MINK1: variants seen among roughly 807,000 people sequenced by gnomAD.
MINK1 encodes the protein misshapen-like kinase 1.
A neutral mutation model predicts 178.4 loss-of-function variants in MINK1; 46 were observed. That is an observed-to-expected ratio of 0.26 (90% CI 0.20 to 0.33). The LOEUF is 0.33. Ranked by LOEUF, MINK1 falls within the 10% of genes least tolerant of loss-of-function variation. The probability of loss-of-function intolerance (pLI) is 1.00; values close to 1 mark genes in which losing one functional copy is unlikely to be tolerated. For synonymous variants in MINK1, 797 were observed against 709.7 expected (o/e 1.12, Z -1.96); for missense variants, 1,366 against 1,814.9 (o/e 0.75, Z 4.49).
In MINK1 at chr17:4,896,167, C is replaced by T; in HGVS notation, c.3466-26C>T. On this transcript the variant is annotated intron_variant, in intron 28 of 31. Transcript: ENST00000355280. The surrounding 1 kb of genome is among the most constrained non-coding windows in gnomAD (Gnocchi z 4.6). Reference sequence around the variant, plus strand: ...CAGCGCCTCTCCCCGTGCCCCTGAGCCCTCCTCTCCTCCGGTTCTCTGCAG... The same window carrying T: ...CAGCGCCTCTCCCCGTGCCCCTGAGTCCTCCTCTCCTCCGGTTCTCTGCAG... 1 of 1,601,336 alleles carries T rather than the reference C, an allele frequency of 6.2e-7. No individual in the cohort carries two copies. The highest frequency in any genetic ancestry group is 8.5e-7 in the Non-Finnish European group (1 of 1,173,224).
At position 4,891,473 on chromosome 17, in the gene MINK1, G is replaced by A; in HGVS notation, c.1758G>A (p.Arg586=). Residue 586 remains arginine, a synonymous_variant, in exon 16 of 32, where the codon CGG becomes CGA. Transcript: ENST00000355280. Reference sequence around the variant, plus strand: ...CCCTGCAGAGCCTGGTGGCACACCGGGTCCCACTGAAGCCATATGCAGCAC... The same window carrying A: ...CCCTGCAGAGCCTGGTGGCACACCGAGTCCCACTGAAGCCATATGCAGCAC... ...EGPHKSLVAH[R]VPLKPYAAPV... is the part of the protein sequence containing the mutation. 6.3e-7 allele frequency: 1 copy of A among 1,586,168 alleles called. No homozygotes were observed. Among genetic ancestry groups the A allele is most frequent in the Non-Finnish European group, 8.6e-7 (1 of 1,161,392 alleles).
intron 1 of MINK1, 149 bp from the exon 2 acceptor site, chr17:4,878,168 G>A: frequency 1.6e-6 from 1 of 613,450 alleles, no homozygotes; most frequent in Non-Finnish European, 2.8e-6. Flanking sequence ...CAGGAAAAGG[G>A]CAGCCAGCCA....
In MINK1 at chr17:4,885,814, C is replaced by A; in HGVS notation, c.640-97C>A. ...GCACTGCTGCAGGAATGGGTGTGGC[C>A]CAGGAAGGCTCCTGAGAGGCCAGGA... On this transcript the variant is annotated intron_variant, in intron 7 of 31. Transcript: ENST00000355280. The surrounding 1 kb of genome is among the most constrained non-coding windows in gnomAD (Gnocchi z 5.0). 6.8e-7 allele frequency: 1 copy of A among 1,464,482 alleles called. No individual in the cohort carries two copies. Among genetic ancestry groups the A allele is most frequent in the Admixed American group, 1.9e-5 (1 of 53,694 alleles). The allele number at this position is 1,464,482 out of a possible 1,614,324, so 90.7% of individuals were successfully genotyped here.
In MINK1 at chr17:4,891,470, C is replaced by G; in HGVS notation, c.1755C>G (p.His585Gln). The change falls in exon 16 of 32, where the codon CAC becomes CAG. Residue 585 changes from histidine to glutamine, a missense_variant. Transcript: ENST00000355280. The part of the protein sequence containing the change: ...QEGPHKSLVA[H>Q]RVPLKPYAAP... ...TCTCCCTGCAGAGCCTGGTGGCACA[C>G]CGGGTCCCACTGAAGCCATATGCAG... 6.3e-7 allele frequency: 1 copy of G among 1,582,338 alleles called. No individual in the cohort carries two copies. The highest frequency in any genetic ancestry group is 8.6e-7 in the Non-Finnish European group (1 of 1,159,386).
In MINK1 at chr17:4,895,602, C is replaced by A; in HGVS notation, c.3230-96C>A. ...ACTGGAAGGTGGGGCCACACTTTCT[C>A]ACCCCTTGTGGTATGCTGACAGAGG... On this transcript the variant is annotated intron_variant, in intron 26 of 31. Coordinates refer to ENST00000355280, the MANE Select transcript of MINK1 (RefSeq NM_153827.5). This position sits in a 1 kb window ranked among gnomAD's most constrained non-coding sequence, Gnocchi z 4.3. The A allele has an allele frequency of 6.4e-7, 1 of 1,553,876 alleles. No homozygotes were observed.
At chr17:4,889,195 CAAG>C (rs1968521401) in intron 12 of MINK1, among the ~76,000 whole-genome samples, 2 of 152,206 alleles carry the variant, frequency 1.3e-5, no homozygotes, top group Non-Finnish European at 2.9e-5. Context: ...TGGTGCTTGT[CAAG>C]GAGTGGGCCA....
At chr17:4,852,038 C>T (rs1044957369) in intron 1 of MINK1, among the ~76,000 whole-genome samples, 4 of 145,720 alleles carry the variant, frequency 2.7e-5, no homozygotes, top group South Asian at 4.2e-4. Flanking sequence ...CTAAGAAAGT[C>T]CACTCTCTGG....
chr17:4,859,132 A>T, intron 1 of MINK1: 1 of 985,460 alleles, frequency 1.0e-6, no homozygotes, highest in Non-Finnish European at 1.2e-6. Context: ...CTGGGCTCGA[A>T]GCACAGGAGA....
At position 4,894,341 on chromosome 17, in the gene MINK1, A is replaced by G. The variant is rs1969200249; in HGVS notation, c.2808+30A>G. On this transcript the variant is annotated intron_variant, in intron 23 of 31. Transcript: ENST00000355280. The surrounding 1 kb of genome is among the most constrained non-coding windows in gnomAD (Gnocchi z 4.1). ...GTGGGCCGGAGGCAGGTCCGCCGGG[A>G]GAGAAGAGCCCTGGCGATGGGCAGG... 6.2e-7 allele frequency: 1 copy of G among 1,603,216 alleles called. No homozygotes were observed. The highest frequency in any genetic ancestry group is 1.7e-5 in the Admixed American group (1 of 58,210).
rs761379651 is a variant in MINK1 at position 4,896,140 on chromosome 17, C to T, written c.3465+37C>T. ...CTCGGTCCCTAACACCATCTGGAGTCCCAGCGCCTCTCCCCGTGCCCCTGA... is the reference window on the plus strand; with the variant it reads ...CTCGGTCCCTAACACCATCTGGAGTTCCAGCGCCTCTCCCCGTGCCCCTGA... On this transcript the variant is annotated intron_variant, in intron 28 of 31. Coordinates refer to ENST00000355280, the MANE Select transcript of MINK1 (RefSeq NM_153827.5). The surrounding 1 kb of genome is among the most constrained non-coding windows in gnomAD (Gnocchi z 4.6). 1 of 1,605,598 alleles carries T rather than the reference C, an allele frequency of 6.2e-7. No individual in the cohort carries two copies. The highest frequency in any genetic ancestry group is 1.7e-5 in the Admixed American group (1 of 58,394).
rs779711842 is a variant in MINK1 at position 4,890,506 on chromosome 17, C to G, written c.1348-11C>G. ...CCCTGCTGAGCCCTCTCTCCCTACC[C>G]TTGGGCCCAGGAATACAAGCGGAAG... On this transcript the variant is annotated splice_polypyrimidine_tract_variant and intron_variant, in intron 13 of 31. Transcript: ENST00000355280. 6.3e-6 allele frequency: 10 copies of G among 1,580,892 alleles called. No homozygotes were observed. The highest frequency in any genetic ancestry group is 1.2e-5 in the South Asian group (1 of 86,010).
chr17:4,892,157 G>T lies in MINK1; in HGVS notation c.2010G>T (p.Gln670His). 1.3e-6 allele frequency: 2 copies of T among 1,597,648 alleles called. No individual in the cohort carries two copies. Among genetic ancestry groups the T allele is most frequent in the South Asian group, 1.1e-5 (1 of 88,322 alleles). ...TGGACTTCTCTCCACAGGTGCCTCA[G>T]AGGACCTCATCTATCGCCACTGCCC... The part of the protein sequence containing the change: ...PDNEAPPKVP[Q>H]RTSSIATALN... Residue 670 changes from glutamine to histidine, a missense_variant, in exon 17 of 32, where the codon CAG (glutamine) becomes CAT (histidine). By Grantham distance (24) the Gln-to-His change is conservative (BLOSUM62 0). Transcript: ENST00000355280.
At chr17:4,852,146 GA>G (rs1912106164) in intron 1 of MINK1, among the ~76,000 whole-genome samples, 1 of 152,072 alleles carries the variant, frequency 6.6e-6, no homozygotes, top group Non-Finnish European at 1.5e-5. Flanking sequence ...CCACTTAAGT[GA>G]ATATTCAAGG....
chr17:4,874,340 T>G (rs1966975600), intron 1 of MINK1, among the ~76,000 whole-genome samples: 1 of 152,222 alleles, frequency 6.6e-6, no homozygotes, highest in South Asian at 2.1e-4. Context: ...AGGCACTCAT[T>G]CAGAAGATAT....
Position 4,894,866 on chromosome 17 carries a change from T to A in MINK1, c.2918-209T>A, listed in dbSNP as rs540180176. On this transcript the variant is annotated intron_variant, in intron 24 of 31. Coordinates refer to ENST00000355280, the MANE Select transcript of MINK1 (RefSeq NM_153827.5). The surrounding 1 kb of genome is among the most constrained non-coding windows in gnomAD (Gnocchi z 4.1). ...GGGGACCTGGGCAAAGACTCAAAGCTAACAAGTGACAGAAATGGGACTTGA... is the reference window on the plus strand; with the variant it reads ...GGGGACCTGGGCAAAGACTCAAAGCAAACAAGTGACAGAAATGGGACTTGA... 4.1e-5 allele frequency: 27 copies of A among 662,870 alleles called. No individual in the cohort carries two copies. In the South Asian group the frequency reaches 5.0e-4, roughly 12 times the overall value. 41.1% of individuals were successfully genotyped at this position (662,870 alleles called of 1,614,324 possible). A position where few individuals can be genotyped will look rare whatever the true frequency, so the allele number is the denominator to read the frequency against.
intron 12 of MINK1, 63 bp from the exon 13 acceptor site, chr17:4,889,584 T>G: frequency 2.3e-6 from 3 of 1,332,006 alleles, no homozygotes; most frequent in Non-Finnish European, 3.2e-6. Flanking sequence ...TCCCTGTCCA[T>G]GGAGGGGCAG....
rs577508210 is a variant in MINK1, at chr17:4,895,953, C to G, written c.3365-50C>G. ...TAGTGACAGACCACGGGGAGGCGCC[C>G]GTGGCGCAAGAAGGGAAGTCTCAGC... On this transcript the variant is annotated intron_variant, in intron 27 of 31. Transcript: ENST00000355280. This position sits in a 1 kb window ranked among gnomAD's most constrained non-coding sequence, Gnocchi z 4.3. 10 of 1,567,156 alleles carry G rather than the reference C, an allele frequency of 6.4e-6. 1 individual carries two copies. Among genetic ancestry groups the G allele is most frequent in the South Asian group, 1.2e-5 (1 of 85,646 alleles).
At chr17:4,861,921 A>G (rs1166652323) in intron 1 of MINK1, among the ~76,000 whole-genome samples, 1 of 152,252 alleles carries the variant, frequency 6.6e-6, no homozygotes, top group Non-Finnish European at 1.5e-5. Flanking sequence ...CATGCTCACT[A>G]TGCGACAATA....
chr17:4,884,867 C>T, intron 5 of MINK1, 45 bp from the exon 6 acceptor site: 1 of 1,557,304 alleles, frequency 6.4e-7, no homozygotes, highest in South Asian at 1.1e-5. Flanking sequence ...CTCTTTCCTA[C>T]CCCATCCAAC....
Sources: gnomAD v4.1 joint callset for allele counts (sites outside exome capture counted in the v4.1 genomes callset) on GRCh38, gnomAD v4.1.1 for gene constraint, Gnocchi (gnomAD v3.1) non-coding constraint, MANE v1.5 for transcripts, NCBI Gene and HGNC (gene_info 2026-07-23, HGNC 2026-07-21) for gene names.